The following EPHA10 variants were observed in gnomAD, a reference collection of about 807,000 sequenced individuals.
The protein encoded by EPHA10 is ephrin type-A receptor 10.
EPHA10 carries 120 observed loss-of-function variants against 109.7 expected under a neutral mutation model. The ratio of observed to expected loss-of-function variants is 1.09; its 90% CI spans 0.94 to 1.27. The LOEUF (loss-of-function observed/expected upper bound fraction) is 1.27, where lower values mean the gene tolerates loss of function less well. EPHA10 is among the 50% of genes most tolerant of loss of function. The pLI, the probability that EPHA10 is intolerant of heterozygous loss-of-function variation, is 0.00. For missense variants in EPHA10, 1,396 were observed against 1,411.1 expected (o/e 0.99, Z 0.17); for synonymous variants, 640 against 618.9 (o/e 1.03, Z -0.51).
In EPHA10 at chr1:37,719,519, T is replaced by G; in HGVS notation, c.2651A>C (p.Gln884Pro). The G allele has an allele frequency of 6.2e-7, 1 of 1,614,040 alleles. No individual in the cohort carries two copies. Among genetic ancestry groups the G allele is most frequent in the South Asian group, 1.1e-5 (1 of 91,078 alleles). Residue 884 changes from glutamine to proline, a missense_variant, in exon 15 of 17, where the codon CAG (glutamine) becomes CCG (proline). Transcript: ENST00000373048. The stretch of plus-strand genomic sequence containing the variant: ...CCTGGGCCGCTCACCTGGGTCCTTC[T>G]GCCAGCAGTCGAGCATTAGTCGGTG... ...LLHRLMLDCW[Q>P]KDPGERPRFS...
At chr1:37,725,713 T>G (rs1178738391) in intron 8 of EPHA10, among the ~76,000 whole-genome samples, 1 of 150,938 alleles carries the variant, frequency 6.6e-6, no homozygotes, top group African/African-American at 2.4e-5. Context: ...GAGAGATGGG[T>G]GGAGATGAAG....
At chr1:37,735,183 A>T in intron 6 of EPHA10, 74 bp downstream of exon 6, 1 of 1,535,536 alleles carries the variant, frequency 6.5e-7, no homozygotes. Flanking sequence ...TGCTGGGAGG[A>T]TGGCCTGAAG....
intron 5 of EPHA10, among the ~76,000 whole-genome samples, chr1:37,746,619 T>C (rs901221866): frequency 2.0e-5 from 3 of 152,198 alleles, no homozygotes; most frequent in Admixed American, 2.0e-4. Flanking sequence ...ACTGAAAATA[T>C]ATGTTTATGC....
At position 37,720,839 on chromosome 1, in the gene EPHA10, T is replaced by C; in HGVS notation, c.2152A>G (p.Thr718Ala). ...RLEGVVTRGS[T>A]LMIVTEYMSH... ...ATGTACTCGGTGACAATCATCAAGGTGCTTCCTGTGCCCAGGGATGGGAAC... is the reference window on the plus strand; with the variant it reads ...ATGTACTCGGTGACAATCATCAAGGCGCTTCCTGTGCCCAGGGATGGGAAC... Residue 718 changes from threonine (T) to alanine (A), a missense_variant, in exon 12 of 17, where the codon ACC becomes GCC. By Grantham distance (58) the Thr-to-Ala change is moderately conservative. Coordinates refer to ENST00000373048, the MANE Select transcript of EPHA10 (RefSeq NM_001099439.2). The C allele has an allele frequency of 6.2e-7, 1 of 1,613,978 alleles. No individual in the cohort carries two copies.
At position 37,718,641 on chromosome 1, in the gene EPHA10, C is replaced by T. The variant is rs1167856682; in HGVS notation, c.2912+20G>A. On this transcript the variant is annotated intron_variant, in intron 16 of 16. Coordinates refer to ENST00000373048, the MANE Select transcript of EPHA10 (RefSeq NM_001099439.2). ...TGGAATCCCCCAGCCCCGGCCTTGA[C>T]CTTGGTGCCTTGGACTCACTGGGCA... The T allele has an allele frequency of 1.2e-6, 2 of 1,613,148 alleles. No homozygotes were observed. Among genetic ancestry groups the T allele is most frequent in the Admixed American group, 1.7e-5 (1 of 60,032 alleles).
chr1:37,718,842 A>G (rs781051441), intron 15 of EPHA10, 26 bp from the exon 16 acceptor site: 14 of 1,586,898 alleles, frequency 8.8e-6, no homozygotes, highest in Non-Finnish European at 1.2e-5. Context: ...GCTGTGCTCA[A>G]CCGACAGCTG....
chr1:37,762,766 G>T lies in EPHA10; in HGVS notation c.171+19C>A. ...CACCAGAGGATCCCTGGGACAGGGA[G>T]GGACACTTGTGCACTTACCCCATTA... On this transcript the variant is annotated intron_variant, in intron 2 of 16. Transcript: ENST00000373048. 1 of 1,544,460 alleles carries T rather than the reference G, an allele frequency of 6.5e-7. No homozygotes were observed.
rs1326000276 is a variant in EPHA10 at position 37,719,460 on chromosome 1, C to T, written c.2710G>A (p.Val904Met). 6.2e-7 allele frequency: 1 copy of T among 1,613,768 alleles called. No homozygotes were observed. The highest frequency in any genetic ancestry group is 1.3e-5 in the African/African-American group (1 of 74,900). Residue 904 changes from valine (V) to methionine (M), a missense_variant, in exon 15 of 17, where the codon GTG becomes ATG. Val to Met is a conservative substitution (Grantham distance 21, BLOSUM62 1). Coordinates refer to ENST00000373048, the MANE Select transcript of EPHA10 (RefSeq NM_001099439.2). Reference sequence around the variant, plus strand: ...CACTTGGGGGGCTCTGGGTCCTGCACCATCTTGCTCAGGATGCTGTGGATC... The same window carrying T: ...CACTTGGGGGGCTCTGGGTCCTGCATCATCTTGCTCAGGATGCTGTGGATC... ...SQIHSILSKM[V>M]QDPEPPKCAL...
chr1:37,715,436 C>T (rs867921859), downstream of EPHA10, among the ~76,000 whole-genome samples: 8 of 152,144 alleles, frequency 5.3e-5, no homozygotes, highest in African/African-American at 1.4e-4. Flanking sequence ...CCAACACTGA[C>T]GTCTCCCCTC....
At chr1:37,730,962 G>A (rs1645972332) in intron 7 of EPHA10, among the ~76,000 whole-genome samples, 1 of 152,182 alleles carries the variant, frequency 6.6e-6, no homozygotes, top group Non-Finnish European at 1.5e-5. Context: ...AAAGTGCTGG[G>A]ATTACAGGTG....
At chr1:37,736,770 C>T (rs373541497) in intron 5 of EPHA10, among the ~76,000 whole-genome samples, 1 of 151,984 alleles carries the variant, frequency 6.6e-6, no homozygotes, top group Non-Finnish European at 1.5e-5. Context: ...AAATACAAAA[C>T]CAATGCACAA....
At chr1:37,724,743 G>A (rs1645858993) in intron 8 of EPHA10, among the ~76,000 whole-genome samples, 1 of 152,158 alleles carries the variant, frequency 6.6e-6, no homozygotes. Flanking sequence ...TCACACAGGG[G>A]GAAGCGGCCA....
intron 5 of EPHA10, among the ~76,000 whole-genome samples, chr1:37,743,579 C>T (rs530684347): frequency 1.1e-4 from 17 of 152,282 alleles, no homozygotes; most frequent in African/African-American, 3.9e-4. Flanking sequence ...AATAATAACT[C>T]GTGATGGTTT....
chr1:37,755,956 A>G (rs1360821380), intron 3 of EPHA10, among the ~76,000 whole-genome samples: 1 of 152,130 alleles, frequency 6.6e-6, no homozygotes, highest in East Asian at 1.9e-4. Flanking sequence ...CTCAGGAGGA[A>G]CTTTCAGCCT....
rs189861479 is a variant in EPHA10, at chr1:37,733,336, T to A, written c.1492-1754A>T. 5.3e-3 allele frequency among the ~76,000 whole-genome samples: 807 copies of A among 151,700 alleles called. 5 individuals carry two copies. Among genetic ancestry groups the A allele is most frequent in the African/African-American group, 0.018 (740 of 41,310 alleles). ...TCCCGGGCTCAAGCGATCTTCCTGC[T>A]TCAGCATCCCAAGTTGCTGGGACCA... On this transcript the variant is annotated intron_variant, in intron 6 of 16. Coordinates refer to ENST00000373048, the MANE Select transcript of EPHA10 (RefSeq NM_001099439.2).
chr1:37,748,403 T>C (rs1047428733), intron 5 of EPHA10, among the ~76,000 whole-genome samples: 3 of 152,136 alleles, frequency 2.0e-5, no homozygotes, highest in Non-Finnish European at 2.9e-5. Context: ...AAAAATGGCA[T>C]AGAACCCAGA....
rs988362345 is a variant in EPHA10 at position 37,731,684 on chromosome 1, T to A, written c.1492-102A>T. On this transcript the variant is annotated intron_variant, in intron 6 of 16. Transcript: ENST00000373048. The stretch of plus-strand genomic sequence containing the variant: ...GGGAGGCAGGAGAAGCGCCCTTACG[T>A]GAATGTGGGCTGAGTGCGAAAACCC... 3.8e-6 allele frequency: 5 copies of A among 1,331,688 alleles called. No individual in the cohort carries two copies. The Admixed American group carries it at 9.6e-5, about 26-fold the overall frequency. The allele number at this position is 1,331,688 out of a possible 1,614,324, so 82.5% of individuals were successfully genotyped here. A position where few individuals can be genotyped will look rare whatever the true frequency, so the allele number is the denominator to read the frequency against.
chr1:37,750,835 T>TTA (rs1412686313), intron 5 of EPHA10, among the ~76,000 whole-genome samples: 5 of 152,028 alleles, frequency 3.3e-5, no homozygotes, highest in Non-Finnish European at 4.4e-5. Flanking sequence ...CATGAGCCAC[T>TTA]GTTCCCGGCC....
At chr1:37,755,492 C>G (rs1646386624) in intron 3 of EPHA10, among the ~76,000 whole-genome samples, 2 of 152,144 alleles carry the variant, frequency 1.3e-5, no homozygotes, top group South Asian at 4.2e-4. Flanking sequence ...AGTCTTGACA[C>G]CTACTCAGTT....
Sources: allele counts gnomAD v4.1 joint callset (sites outside exome capture counted in the v4.1 genomes callset), GRCh38; gene constraint gnomAD v4.1.1; transcripts MANE v1.5; gene names NCBI Gene and HGNC (gene_info 2026-07-23, HGNC 2026-07-21).